RGPD2: variants seen among roughly 807,000 people sequenced by gnomAD.
RGPD2 encodes the protein RANBP2 like and GRIP domain containing 2, also known as RANBP2-like and GRIP domain-containing protein 2.
In RGPD2, 2 loss-of-function variants were observed where a neutral mutation model predicts 36.0. The observed-to-expected ratio is 0.06, with a 90% confidence interval of 0.02 to 0.17. The LOEUF (loss-of-function observed/expected upper bound fraction) is 0.17, where lower values mean the gene tolerates loss of function less well. Ranked by LOEUF, RGPD2 falls within the 10% of genes least tolerant of loss-of-function variation. The pLI is 1.00. For synonymous variants in RGPD2, 19 were observed against 163.8 expected (o/e 0.12, Z 6.75); for missense variants, 40 against 464.3 (o/e 0.09, Z 8.40).
chr2:87,928,713 AT>A, the RGPD2 span, among the ~76,000 whole-genome samples: 1 of 127,636 alleles, frequency 7.8e-6, no homozygotes, highest in Non-Finnish European at 1.7e-5. Flanking sequence ...AGCATCTGTT[AT>A]TTTTTGAATT....
the RGPD2 span, among the ~76,000 whole-genome samples, chr2:87,938,118 C>G: frequency 6.6e-6 from 1 of 151,586 alleles, no homozygotes; most frequent in African/African-American, 2.4e-5. Flanking sequence ...AGTAAAATCA[C>G]AGGATAATTT....
the RGPD2 span, among the ~76,000 whole-genome samples, chr2:87,922,084 T>C: frequency 6.6e-6 from 1 of 151,386 alleles, no homozygotes; most frequent in Admixed American, 6.6e-5. Context: ...ACAAGGTCAG[T>C]AGTTTGAGAC....
chr2:87,825,797 A>G (rs1178510615), upstream of RGPD2: 2 of 1,494,436 alleles, frequency 1.3e-6, no homozygotes, highest in African/African-American at 2.8e-5. Context: ...CGCCAATTCC[A>G]ACAGGAAAGC....
the RGPD2 span, among the ~76,000 whole-genome samples, chr2:87,961,888 C>T: frequency 1.4e-5 from 2 of 147,612 alleles, no homozygotes; most frequent in Non-Finnish European, 3.0e-5. Context: ...AACAGCCATT[C>T]GCCTGGCACA....
the RGPD2 span, among the ~76,000 whole-genome samples, chr2:87,923,152 CT>C: frequency 6.6e-6 from 1 of 151,884 alleles, no homozygotes; most frequent in Non-Finnish European, 1.5e-5. Context: ...GAGAAAGAAA[CT>C]TTTCGTGGAC....
At chr2:87,985,861 G>C in the RGPD2 span, 9 of 1,610,118 alleles carry the variant, frequency 5.6e-6, no homozygotes, top group Non-Finnish European at 7.6e-6. Context: ...ACAAGCATCT[G>C]AACTGCTATT....
At chr2:87,872,296 G>T in the RGPD2 span, among the ~76,000 whole-genome samples, 3 of 151,990 alleles carry the variant, frequency 2.0e-5, no homozygotes, top group Non-Finnish European at 4.4e-5. Flanking sequence ...ATAATTAGAA[G>T]ATGTGTTAGG....
At chr2:87,979,831 G>A in the RGPD2 span, among the ~76,000 whole-genome samples, 116 of 147,286 alleles carry the variant, frequency 7.9e-4, no homozygotes, top group African/African-American at 2.8e-3. Context: ...AGCCAACATC[G>A]TGCCACTGCA....
chr2:87,984,110 A>G, the RGPD2 span, among the ~76,000 whole-genome samples: 4 of 145,894 alleles, frequency 2.7e-5, no homozygotes, highest in Non-Finnish European at 4.5e-5. Context: ...AATAAGAACT[A>G]TAAATAACTG....
At chr2:87,912,955 A>G in the RGPD2 span, among the ~76,000 whole-genome samples, 426 of 150,986 alleles carry the variant, frequency 2.8e-3, no homozygotes, top group Middle Eastern at 6.8e-3. Context: ...CAAGAATATT[A>G]TGTTCCAGGT....
chr2:87,857,466 T>C, the RGPD2 span, among the ~76,000 whole-genome samples: 75 of 151,314 alleles, frequency 5.0e-4, no homozygotes, highest in African/African-American at 9.9e-4. Flanking sequence ...CCTCAGCCTC[T>C]TGAGTAGCTG....
At chr2:87,984,468 T>C in the RGPD2 span, among the ~76,000 whole-genome samples, 1 of 151,116 alleles carries the variant, frequency 6.6e-6, no homozygotes, top group Non-Finnish European at 1.5e-5. Context: ...GATGGAGATA[T>C]TTTAGAAAAA....
At position 87,825,734 on chromosome 2, in the gene RGPD2, C is replaced by T. The variant is rs1344687507; in HGVS notation, c.-5G>A. On this transcript the variant is annotated 5_prime_UTR_variant, in exon 1 of 23. In the 5' UTR this introduces an upstream ATG that the reference lacks. Transcript: ENST00000398146. Reference sequence around the variant, plus strand: ...GTAGGCTTTGCTGCGCCTCATCGCACCGCCAACCTGGCTCCCGAGACGCGT... The same window carrying T: ...GTAGGCTTTGCTGCGCCTCATCGCATCGCCAACCTGGCTCCCGAGACGCGT... 1.3e-6 allele frequency: 2 copies of T among 1,597,732 alleles called. No individual in the cohort carries two copies. The highest frequency in any genetic ancestry group is 1.1e-5 in the South Asian group (1 of 88,682).
intron 20 of RGPD2, among the ~76,000 whole-genome samples, chr2:87,781,879 C>A (rs1228745683): frequency 1.7e-5 from 2 of 121,074 alleles, no homozygotes; most frequent in African/African-American, 3.1e-5. Context: ...GTACCAAGTT[C>A]TTTTGCTCTG....
chr2:87,964,377 C>T, the RGPD2 span, among the ~76,000 whole-genome samples: 20 of 151,714 alleles, frequency 1.3e-4, no homozygotes, highest in Non-Finnish European at 2.1e-4. Context: ...AGGTATAATT[C>T]ACAAATAAAA....
chr2:87,821,769 GA>G (rs1686371146), intron 1 of RGPD2, among the ~76,000 whole-genome samples: 1 of 42,184 alleles, frequency 2.4e-5, no homozygotes, highest in Non-Finnish European at 4.9e-5. Flanking sequence ...CATGACAGCA[GA>G]TGTCACTATA....
At chr2:87,952,759 C>T in the RGPD2 span, among the ~76,000 whole-genome samples, 8 of 152,340 alleles carry the variant, frequency 5.3e-5, no homozygotes, top group South Asian at 1.7e-3. Context: ...CCTTGTTTTT[C>T]ATCGTTGTGT....
chr2:87,973,218 C>T, the RGPD2 span: 1 of 1,609,026 alleles, frequency 6.2e-7, no homozygotes, highest in Non-Finnish European at 8.5e-7. Context: ...AGAGTGCCCT[C>T]CCTCATCAGG....
the RGPD2 span, among the ~76,000 whole-genome samples, chr2:87,922,580 T>C: frequency 6.7e-6 from 1 of 148,652 alleles, no homozygotes; most frequent in African/African-American, 2.5e-5. Context: ...TGTTTCTAAC[T>C]TTAAAAAGTT....
Sources: gnomAD v4.1 joint callset for allele counts (sites outside exome capture counted in the v4.1 genomes callset) on GRCh38, gnomAD v4.1.1 for gene constraint, MANE v1.5 for transcripts, NCBI Gene and HGNC (gene_info 2026-07-23, HGNC 2026-07-21) for gene names.